RAB11FIP4: variants seen among roughly 807,000 people sequenced by gnomAD.
The protein encoded by RAB11FIP4 is rab11 family-interacting protein 4.
RAB11FIP4 carries 23 observed loss-of-function variants against 74.3 expected under a neutral mutation model. The ratio of observed to expected loss-of-function variants is 0.31; its 90% confidence interval spans 0.22 to 0.44. The LOEUF (loss-of-function observed/expected upper bound fraction) is 0.44, where lower values mean the gene tolerates loss of function less well. Among genes scored for constraint, RAB11FIP4 ranks in the 20% least tolerant of loss-of-function variants. The pLI is 1.00. For missense variants in RAB11FIP4, 630 were observed against 863.9 expected, an observed-to-expected ratio of 0.73 and a Z score of 3.39; for synonymous variants, 360 against 359.9, an observed-to-expected ratio of 1.00 and a Z score of 0.00.
chr17:31,443,706 T>G (rs2071425916), intron 3 of RAB11FIP4, among the ~76,000 whole-genome samples: 1 of 151,974 alleles, frequency 6.6e-6, no homozygotes, highest in Non-Finnish European at 1.5e-5. Context: ...GGCCAGGAGT[T>G]CAAGACCAGC....
At position 31,536,430 on chromosome 17, in the gene RAB11FIP4, T is replaced by A. The variant is rs1394096040; in HGVS notation, c.*4698T>A. On this transcript the variant is annotated 3_prime_UTR_variant, in exon 15 of 15. Coordinates refer to ENST00000621161, the MANE Select transcript of RAB11FIP4 (RefSeq NM_032932.6). Reference sequence around the variant, plus strand: ...AAAATGACTTTGGTTGCCCAGCAGATCCACAGCGACTCTTTCTCAAGGGCT... The same window carrying A: ...AAAATGACTTTGGTTGCCCAGCAGAACCACAGCGACTCTTTCTCAAGGGCT... 1 of 152,394 alleles carries A rather than the reference T, an allele frequency of 6.6e-6. No individual in the cohort carries two copies. Among genetic ancestry groups the A allele is most frequent in the Admixed American group, 6.5e-5 (1 of 15,278 alleles). The allele number at this position is 152,394 out of a possible 1,614,324, so 9.4% of individuals were successfully genotyped here. A position where few individuals can be genotyped will look rare whatever the true frequency, so the allele number is the denominator to read the frequency against.
chr17:31,391,836 G>C lies in RAB11FIP4; in HGVS notation c.-17G>C. On this transcript the variant is annotated 5_prime_UTR_variant, in exon 1 of 15. Transcript: ENST00000621161. ...GCGGCGGGCGAGGGGTCCGGGCTGAGCTGCGGGCCGGCCCGGATGGCGGGC... is the reference window on the plus strand; with the variant it reads ...GCGGCGGGCGAGGGGTCCGGGCTGACCTGCGGGCCGGCCCGGATGGCGGGC... 1 of 1,044,448 alleles carries C rather than the reference G, an allele frequency of 9.6e-7. No homozygotes were observed. The highest frequency in any genetic ancestry group is 1.1e-6 in the Non-Finnish European group (1 of 870,984). The allele number at this position is 1,044,448 out of a possible 1,614,324, so 64.7% of individuals were successfully genotyped here. A position where few individuals can be genotyped will look rare whatever the true frequency, so the allele number is the denominator to read the frequency against.
chr17:31,535,811 C>G lies in RAB11FIP4; in HGVS notation c.*4079C>G, dbSNP rs985052150. The G allele has an allele frequency of 6.6e-6, 1 of 152,286 alleles. No individual in the cohort carries two copies. The highest frequency in any genetic ancestry group is 2.4e-5 in the African/African-American group (1 of 41,468). 9.4% of individuals were successfully genotyped at this position (152,286 alleles called of 1,614,324 possible). A position where few individuals can be genotyped will look rare whatever the true frequency, so the allele number is the denominator to read the frequency against. On this transcript the variant is annotated 3_prime_UTR_variant, in exon 15 of 15. Transcript: ENST00000621161. ...CAGGTAGAACAGAGTCAGCAGGGAA[C>G]TGACAGGTGGGGCTGTCCCCCTGAA...
At chr17:31,476,229 G>C (rs1378920201) in intron 3 of RAB11FIP4, among the ~76,000 whole-genome samples, 2 of 136,000 alleles carry the variant, frequency 1.5e-5, no homozygotes, top group African/African-American at 5.7e-5. Flanking sequence ...CTGTCACCCA[G>C]GCTGGAGTGC....
In RAB11FIP4 at chr17:31,517,876, A is replaced by C. The variant is rs933793354; in HGVS notation, c.562A>C (p.Lys188Gln). The C allele has an allele frequency of 7.1e-6, 11 of 1,551,216 alleles. No individual in the cohort carries two copies. The South Asian group carries it at 1.3e-4, about 18-fold the overall frequency. ...GLGGLFLPED[K>Q]SLVHTPSMTT... is the part of the protein sequence containing the mutation. ...TGGGGGCCTGTTTCTGCCAGAAGAC[A>C]AGTGAGTTAAAACCACCTGAAGCTC... Residue 188 changes from lysine to glutamine, a missense_variant and splice_region_variant, in exon 4 of 15, where the codon AAG (lysine) becomes CAG (glutamine). Lys to Gln is a moderately conservative substitution (Grantham distance 53). Coordinates refer to ENST00000621161, the MANE Select transcript of RAB11FIP4 (RefSeq NM_032932.6).
chr17:31,491,564 A>G (rs912338084), intron 3 of RAB11FIP4, among the ~76,000 whole-genome samples: 2 of 152,168 alleles, frequency 1.3e-5, no homozygotes, highest in African/African-American at 4.8e-5. Flanking sequence ...GAGGAACTGC[A>G]AGGGCCCTGA....
chr17:31,460,507 G>T (rs555420939), intron 3 of RAB11FIP4, among the ~76,000 whole-genome samples: 11 of 152,178 alleles, frequency 7.2e-5, no homozygotes, highest in South Asian at 2.1e-4. Flanking sequence ...ATTAGAAGCC[G>T]CTGGCATCAG....
intron 3 of RAB11FIP4, among the ~76,000 whole-genome samples, chr17:31,477,817 T>G (rs1286773053): frequency 6.6e-6 from 1 of 152,122 alleles, no homozygotes; most frequent in East Asian, 1.9e-4. Flanking sequence ...CTCCTGGCTC[T>G]CAACTTACTA....
intron 3 of RAB11FIP4, among the ~76,000 whole-genome samples, chr17:31,513,167 G>T (rs983143307): frequency 6.6e-6 from 1 of 152,146 alleles, no homozygotes; most frequent in Non-Finnish European, 1.5e-5. Context: ...TCAACAGGGG[G>T]CTCCGCGTGA....
rs1330870415 is a variant in RAB11FIP4, at chr17:31,412,892, TG to T, written c.160-18920del. 2.7e-5 allele frequency among the ~76,000 whole-genome samples: 4 copies of T among 147,656 alleles called. No homozygotes were observed. In the East Asian group the frequency reaches 7.7e-4, roughly 28 times the overall value. On this transcript the variant is annotated intron_variant, in intron 1 of 14. Coordinates refer to ENST00000621161, the MANE Select transcript of RAB11FIP4 (RefSeq NM_032932.6). Reference sequence around the variant, plus strand: ...TGCCCCATTTCACAGGCAAAAAAACTGAGGCTCAGAGAGGTCGGGGTCTGCC... The same window carrying T: ...TGCCCCATTTCACAGGCAAAAAAACTAGGCTCAGAGAGGTCGGGGTCTGCC...
At chr17:31,477,345 G>A (rs1365111944) in intron 3 of RAB11FIP4, among the ~76,000 whole-genome samples, 1 of 152,216 alleles carries the variant, frequency 6.6e-6, no homozygotes, top group Non-Finnish European at 1.5e-5. Flanking sequence ...GCACTTACCT[G>A]GTGGGGGGCT....
intron 3 of RAB11FIP4, among the ~76,000 whole-genome samples, chr17:31,475,553 C>T (rs1025121442): frequency 2.6e-5 from 4 of 152,218 alleles, no homozygotes; most frequent in African/African-American, 9.7e-5. Flanking sequence ...ATTACTTGCA[C>T]ATTCTGTATT....
chr17:31,423,862 C>T (rs1437098631), intron 1 of RAB11FIP4, among the ~76,000 whole-genome samples: 2 of 152,090 alleles, frequency 1.3e-5, no homozygotes, highest in East Asian at 3.9e-4. Flanking sequence ...GCCCCTTTTT[C>T]TCATTTTTTT....
At chr17:31,523,714 T>G (rs965326875) in intron 8 of RAB11FIP4, 103 bp downstream of exon 8, 3 of 1,220,750 alleles carry the variant, frequency 2.5e-6, no homozygotes, top group African/African-American at 3.0e-5. Flanking sequence ...ACCCTGTACC[T>G]GCCTAGGAAT....
chr17:31,521,570 G>A (rs2072666697), intron 5 of RAB11FIP4, among the ~76,000 whole-genome samples: 2 of 152,066 alleles, frequency 1.3e-5, no homozygotes, highest in Non-Finnish European at 2.9e-5. Context: ...CTAGGAGGCT[G>A]CACACTGGGG....
chr17:31,497,492 A>G (rs2072139652), intron 3 of RAB11FIP4, among the ~76,000 whole-genome samples: 1 of 152,196 alleles, frequency 6.6e-6, no homozygotes, highest in South Asian at 2.1e-4. Context: ...GCAAAGGCAC[A>G]GGGGCCTGTG....
intron 1 of RAB11FIP4, among the ~76,000 whole-genome samples, chr17:31,424,183 T>C (rs1222491248): frequency 6.6e-6 from 1 of 152,198 alleles, no homozygotes; most frequent in Non-Finnish European, 1.5e-5. Context: ...CTTAACGTTT[T>C]TGTTTTCCTC....
chr17:31,472,504 C>T (rs560625258), intron 3 of RAB11FIP4, among the ~76,000 whole-genome samples: 7 of 152,338 alleles, frequency 4.6e-5, no homozygotes, highest in South Asian at 2.1e-4. Flanking sequence ...GAATCCCAGC[C>T]GCACACCAGG....
intron 3 of RAB11FIP4, among the ~76,000 whole-genome samples, chr17:31,439,026 G>T (rs2151630615): frequency 6.6e-6 from 1 of 152,278 alleles, no homozygotes; most frequent in South Asian, 2.1e-4. Flanking sequence ...AAAGGAGAAG[G>T]ACCTGCACTG....
Sources: gnomAD v4.1 joint callset for allele counts (sites outside exome capture counted in the v4.1 genomes callset) on GRCh38, gnomAD v4.1.1 for gene constraint, MANE v1.5 for transcripts, NCBI Gene and HGNC (gene_info 2026-07-23, HGNC 2026-07-21) for gene names.